CSMD1: variants seen among roughly 807,000 people sequenced by gnomAD.
CSMD1 encodes CUB and sushi domain-containing protein 1.
Under a neutral mutation model 417.5 loss-of-function variants are expected in CSMD1, and 213 were observed. That is an observed-to-expected ratio of 0.51 (90% CI 0.46 to 0.57). The LOEUF is 0.57. Ranked by LOEUF, CSMD1 falls within the 20% of genes least tolerant of loss-of-function variation. The probability of loss-of-function intolerance (pLI) is 0.00; values close to 1 mark genes in which losing one functional copy is unlikely to be tolerated. For synonymous variants in CSMD1, 2,862 were observed against 1,736.8 expected (o/e 1.65, Z -16.11); for missense variants, 6,923 against 4,529.7 (o/e 1.53, Z -15.17).
chr8:4,070,356 T>C (rs1007176301), intron 3 of CSMD1, among the ~76,000 whole-genome samples: 4 of 152,134 alleles, frequency 2.6e-5, no homozygotes, highest in Non-Finnish European at 5.9e-5. Context: ...AACCAAAATA[T>C]TTACCACCTA....
chr8:3,928,257 AT>A (rs1251167645), intron 5 of CSMD1, among the ~76,000 whole-genome samples: 1 of 152,236 alleles, frequency 6.6e-6, no homozygotes, highest in Non-Finnish European at 1.5e-5. Flanking sequence ...CAGCCTCATA[AT>A]TACATATGCT....
chr8:3,211,550 A>G (rs975168447), intron 30 of CSMD1, among the ~76,000 whole-genome samples: 4 of 152,192 alleles, frequency 2.6e-5, no homozygotes, highest in African/African-American at 4.8e-5. Flanking sequence ...TACATACAGA[A>G]TTAAGATTTA....
At chr8:3,651,124 C>T (rs1797831506) in intron 7 of CSMD1, among the ~76,000 whole-genome samples, 1 of 152,206 alleles carries the variant, frequency 6.6e-6, no homozygotes, top group African/African-American at 2.4e-5. Flanking sequence ...AGTATCTTGT[C>T]TTGATTACAG....
chr8:3,258,743 A>G (rs370122490), intron 26 of CSMD1, among the ~76,000 whole-genome samples: 5 of 152,244 alleles, frequency 3.3e-5, no homozygotes, highest in African/African-American at 1.2e-4. Context: ...CATATACACC[A>G]TGGAATACTA....
At chr8:2,994,145 CAAAAAAAAAAAAAAA>C (rs35438493) in intron 54 of CSMD1, among the ~76,000 whole-genome samples, 9 of 30,518 alleles carry the variant, frequency 2.9e-4, no homozygotes, top group African/African-American at 1.9e-3. Context: ...AACTCCATCT[CAAAAAAAAAAAAAAA>C]AAAAAAAAAA....
intron 5 of CSMD1, among the ~76,000 whole-genome samples, chr8:3,929,478 T>A (rs571593373): frequency 4.0e-5 from 6 of 150,452 alleles, no homozygotes; most frequent in African/African-American, 1.5e-4. Flanking sequence ...ACAGGTGCTG[T>A]CTCTGAAGGA....
chr8:3,027,557 T>C (rs1229019686), intron 51 of CSMD1, among the ~76,000 whole-genome samples: 9 of 152,150 alleles, frequency 5.9e-5, no homozygotes. Flanking sequence ...CTCTGGAAAA[T>C]GCCACGTGTA....
At chr8:4,660,953 G>A (rs1804556255) in intron 1 of CSMD1, among the ~76,000 whole-genome samples, 1 of 152,048 alleles carries the variant, frequency 6.6e-6, no homozygotes, top group South Asian at 2.1e-4. Context: ...AAGCTTAAAA[G>A]AAAAATGATA....
intron 2 of CSMD1, among the ~76,000 whole-genome samples, chr8:4,623,792 AC>A: frequency 2.6e-5 from 4 of 152,098 alleles, no homozygotes; most frequent in African/African-American, 9.7e-5. Flanking sequence ...AAAAAAGCAA[AC>A]TAATTCATAG....
At chr8:4,268,558 G>T (rs1804368759) in intron 3 of CSMD1, among the ~76,000 whole-genome samples, 1 of 152,120 alleles carries the variant, frequency 6.6e-6, no homozygotes. Context: ...TTACTTGAAA[G>T]ATTAGAGATG....
intron 7 of CSMD1, among the ~76,000 whole-genome samples, chr8:3,681,415 A>G (rs1799654908): frequency 6.6e-6 from 1 of 152,198 alleles, no homozygotes; most frequent in African/African-American, 2.4e-5. Flanking sequence ...AGAGAGCCAA[A>G]TCATGAGTGA....
intron 47 of CSMD1, among the ~76,000 whole-genome samples, chr8:3,092,081 T>C (rs1585326014): frequency 6.6e-6 from 1 of 152,158 alleles, no homozygotes; most frequent in South Asian, 2.1e-4. Flanking sequence ...AAATTGAAGG[T>C]TTAATTATAT....
Position 4,311,671 on chromosome 8 carries a change from C to T in CSMD1, c.415+108282G>A, listed in dbSNP as rs577451112. On this transcript the variant is annotated intron_variant, in intron 3 of 69. Coordinates refer to ENST00000635120, the MANE Select transcript of CSMD1 (RefSeq NM_033225.6). ...CTGGGAGGCAGAGGCTGCAGTGAGC[C>T]GAGATTGTGCCACAGCACTCCAGCC... is the stretch of plus-strand genomic sequence containing the variant. Among the ~76,000 whole-genome samples, 5 of 144,952 alleles carry T rather than the reference C, an allele frequency of 3.4e-5. No homozygotes were observed. In the East Asian group the frequency reaches 9.4e-4, roughly 27 times the overall value.
chr8:3,958,724 T>C (rs1449367634), intron 5 of CSMD1, among the ~76,000 whole-genome samples: 2 of 152,148 alleles, frequency 1.3e-5, no homozygotes, highest in South Asian at 2.1e-4. Flanking sequence ...GAGGCTTTTG[T>C]GGTTTAAATA....
Position 3,125,874 on chromosome 8 carries a change from G to C in CSMD1, c.6242-7287C>G, listed in dbSNP as rs376120516. 3.9e-5 allele frequency among the ~76,000 whole-genome samples: 6 copies of C among 152,296 alleles called. No individual in the cohort carries two copies. In the South Asian group the frequency reaches 6.2e-4, roughly 16 times the overall value. On this transcript the variant is annotated intron_variant, in intron 41 of 69. Coordinates refer to ENST00000635120, the MANE Select transcript of CSMD1 (RefSeq NM_033225.6). ...TGCCTGTAACCCCAGCTACTCGGGA[G>C]GCTGAGGCAGGAGAATCACCTCAAC...
intron 7 of CSMD1, among the ~76,000 whole-genome samples, chr8:3,676,633 G>A (rs964999515): frequency 6.6e-6 from 1 of 152,062 alleles, no homozygotes; most frequent in East Asian, 1.9e-4. Context: ...TGTGTGTTGT[G>A]GGACCACGCA....
intron 5 of CSMD1, among the ~76,000 whole-genome samples, chr8:3,989,619 T>G (rs1405311264): frequency 2.0e-5 from 3 of 152,188 alleles, no homozygotes; most frequent in Non-Finnish European, 4.4e-5. Context: ...TATTTTAAAT[T>G]TATAATTCAA....
intron 3 of CSMD1, among the ~76,000 whole-genome samples, chr8:4,279,742 T>C (rs376608805): frequency 1.3e-5 from 2 of 152,210 alleles, no homozygotes; most frequent in African/African-American, 4.8e-5. Flanking sequence ...GCAGCATTTC[T>C]AATGAAGAAA....
chr8:3,971,512 A>T (rs1255568832), intron 5 of CSMD1, among the ~76,000 whole-genome samples: 1 of 152,232 alleles, frequency 6.6e-6, no homozygotes, highest in Non-Finnish European at 1.5e-5. Context: ...GAACTCCCGA[A>T]TCTATGATTA....
Sources: gnomAD v4.1 joint callset for allele counts (sites outside exome capture counted in the v4.1 genomes callset) on GRCh38, gnomAD v4.1.1 for gene constraint, MANE v1.5 for transcripts, NCBI Gene and HGNC (gene_info 2026-07-23, HGNC 2026-07-21) for gene names.